The following DYNC2H1 variants were observed in gnomAD, a reference collection of about 807,000 sequenced individuals.
DYNC2H1 encodes the protein dynein cytoplasmic 2 heavy chain 1, also known as cytoplasmic dynein 2 heavy chain 1.
A neutral mutation model predicts 570.0 loss-of-function variants in DYNC2H1; 410 were observed. That is an observed-to-expected ratio of 0.72 (90% CI 0.66 to 0.78). The LOEUF (loss-of-function observed/expected upper bound fraction) is 0.78, where lower values mean the gene tolerates loss of function less well. Among genes scored for constraint, DYNC2H1 ranks in the 30% least tolerant of loss-of-function variants. DYNC2H1 has a pLI of 0.00. For missense variants in DYNC2H1, 4,865 were observed against 5,046.4 expected (o/e 0.96, Z 1.09); for synonymous variants, 1,688 against 1,677.6 (o/e 1.01, Z -0.15).
intron 70 of DYNC2H1, among the ~76,000 whole-genome samples, chr11:103,269,681 T>C (rs1865628220): frequency 6.6e-6 from 1 of 152,236 alleles, no homozygotes; most frequent in African/African-American, 2.4e-5. Context: ...CATTGTTTTT[T>C]CTTCAAGAGA....
chr11:103,168,961 G>A lies in DYNC2H1; in HGVS notation c.4968+1G>A, dbSNP rs1235097102. 4 of 1,599,024 alleles carry A rather than the reference G, an allele frequency of 2.5e-6. No homozygotes were observed. Among genetic ancestry groups the A allele is most frequent in the East Asian group, 4.5e-5 (2 of 44,248 alleles). ...ATTTCAGTATACTTATGAATATCAG[G>A]TATGAGTTGTGGCAGTGTTTTATAT... On this transcript the variant is annotated splice_donor_variant, in intron 32 of 88. Coordinates refer to ENST00000375735, the MANE Select transcript of DYNC2H1 (RefSeq NM_001377.3). LOFTEE classifies it high-confidence loss of function.
chr11:103,372,445 G>C (rs553621123), intron 83 of DYNC2H1, among the ~76,000 whole-genome samples: 3 of 152,200 alleles, frequency 2.0e-5, no homozygotes, highest in Admixed American at 6.5e-5. Flanking sequence ...GTCAGGAAGA[G>C]ATGTTGAATT....
chr11:103,212,879 T>A (rs981411963), intron 54 of DYNC2H1, among the ~76,000 whole-genome samples: 4 of 152,212 alleles, frequency 2.6e-5, no homozygotes, highest in Non-Finnish European at 5.9e-5. Flanking sequence ...CTTACTGTTT[T>A]GCAGCTTAAT....
At chr11:103,384,237 C>T (rs1397148820) in intron 83 of DYNC2H1, among the ~76,000 whole-genome samples, 1 of 152,096 alleles carries the variant, frequency 6.6e-6, no homozygotes, top group African/African-American at 2.4e-5. Context: ...AATGTTATCT[C>T]TTCTTGATAT....
chr11:103,455,277 T>G lies in DYNC2H1; in HGVS notation c.12548T>G (p.Leu4183Arg). ...LFHPDTFLNA[L>R]RQETARAVGR... ...CATCCAGACACATTTCTTAATGCTC[T>G]TCGCCAGGAAACTGCAAGGTAATTA... Residue 4183 changes from leucine to arginine, a missense_variant, in exon 86 of 89, where the codon CTT becomes CGT. Leu to Arg is a moderately radical substitution (Grantham distance 102). Around this residue, in one of 5 missense-constraint regions of DYNC2H1, gnomAD observed 2,401 missense variants for 2,454.6 expected, o/e 0.98. Transcript: ENST00000375735. 1 of 1,613,310 alleles carries G rather than the reference T, an allele frequency of 6.2e-7. No individual in the cohort carries two copies. The highest frequency in any genetic ancestry group is 8.5e-7 in the Non-Finnish European group (1 of 1,179,446).
chr11:103,373,348 A>T (rs1941256006), intron 83 of DYNC2H1, among the ~76,000 whole-genome samples: 1 of 152,126 alleles, frequency 6.6e-6, no homozygotes, highest in Non-Finnish European at 1.5e-5. Context: ...CTCTTATGAT[A>T]CTTTGTATTT....
chr11:103,442,650 C>A (rs1292939937), intron 85 of DYNC2H1, among the ~76,000 whole-genome samples: 1 of 152,048 alleles, frequency 6.6e-6, no homozygotes, highest in Non-Finnish European at 1.5e-5. Context: ...GAAGATAAAT[C>A]TTGGTTCTAG....
rs775559613 is a variant in DYNC2H1 at position 103,184,997 on chromosome 11, A to C, written c.6579A>C (p.Ile2193=). 5.0e-6 allele frequency: 8 copies of C among 1,610,474 alleles called. No homozygotes were observed. The East Asian group carries it at 1.8e-4, about 36-fold the overall frequency. Residue 2193 remains isoleucine (I), a synonymous_variant, in exon 41 of 89, where the codon ATA becomes ATC. Transcript: ENST00000375735. ...RDHDEFIINL[I]RGLGGNLNMK... ...ATGACGAATTCATTATTAATCTCAT[A>C]AGGGGACTTGGTGGAAATCTGAATA...
intron 83 of DYNC2H1, among the ~76,000 whole-genome samples, chr11:103,370,729 A>G (rs7116104): frequency 0.035 from 5,366 of 152,270 alleles, 308 homozygotes; most frequent in African/African-American, 0.12. Flanking sequence ...TCAAGGTGGC[A>G]CCTCTATGAA....
chr11:103,332,544 T>G (rs1294941289), intron 82 of DYNC2H1, among the ~76,000 whole-genome samples: 5 of 152,096 alleles, frequency 3.3e-5, no homozygotes, highest in African/African-American at 1.2e-4. Context: ...GAAAGTATTG[T>G]GGGGGAAACA....
At chr11:103,342,514 T>C (rs1939510627) in intron 82 of DYNC2H1, among the ~76,000 whole-genome samples, 1 of 151,598 alleles carries the variant, frequency 6.6e-6, no homozygotes, top group Admixed American at 6.6e-5. Context: ...CCACCTTTTT[T>C]TTTTTTGAGA....
chr11:103,369,083 C>T lies in DYNC2H1; in HGVS notation c.12156+10724C>T, dbSNP rs1283299243. Among the ~76,000 whole-genome samples the T allele has an allele frequency of 2.0e-5, 3 of 152,032 alleles. No individual in the cohort carries two copies. Among genetic ancestry groups the T allele is most frequent in the African/African-American group, 7.2e-5 (3 of 41,388 alleles). ...AGAGGCATTGAAGAGGTAGGAAAAA[C>T]AGTTTTGAATTGCAGACACCATCCC... On this transcript the variant is annotated intron_variant, in intron 83 of 88. Coordinates refer to ENST00000375735, the MANE Select transcript of DYNC2H1 (RefSeq NM_001377.3). The surrounding 1 kb of genome is among the most constrained non-coding windows in gnomAD (Gnocchi z 4.0).
At chr11:103,223,726 T>G (rs1863687624) in intron 59 of DYNC2H1, among the ~76,000 whole-genome samples, 1 of 146,576 alleles carries the variant, frequency 6.8e-6, no homozygotes, top group Non-Finnish European at 1.5e-5. Context: ...CTTTGGAAAT[T>G]TAAGACTTTT....
rs1226299160 is a variant in DYNC2H1, at chr11:103,362,702, C to T, written c.12156+4343C>T. 3.9e-5 allele frequency among the ~76,000 whole-genome samples: 6 copies of T among 152,188 alleles called. No homozygotes were observed. The East Asian group carries it at 1.2e-3, about 29-fold the overall frequency. On this transcript the variant is annotated intron_variant, in intron 83 of 88. Coordinates refer to ENST00000375735, the MANE Select transcript of DYNC2H1 (RefSeq NM_001377.3). ...TACAAAGTTGCTAAACATCCTTGTT[C>T]CCAATTTAATCTTTGTATATCTACT...
intron 85 of DYNC2H1, among the ~76,000 whole-genome samples, chr11:103,454,058 G>A (rs1944705053): frequency 6.6e-6 from 1 of 151,972 alleles, no homozygotes; most frequent in Non-Finnish European, 1.5e-5. Context: ...ACATTTCTGA[G>A]TACTATTCAA....
chr11:103,324,588 A>C lies in DYNC2H1; in HGVS notation c.12039+598A>C, dbSNP rs117006851. On this transcript the variant is annotated intron_variant, in intron 82 of 88. Transcript: ENST00000375735. This position sits in a 1 kb window ranked among gnomAD's most constrained non-coding sequence, Gnocchi z 5.2. The stretch of plus-strand genomic sequence containing the variant: ...GCATATTCCATGTTGTCTATGTATC[A>C]CATTTTCTTTATTCAGTCTACCATT... Among the ~76,000 whole-genome samples the C allele has an allele frequency of 1.3e-5, 2 of 152,234 alleles. No homozygotes were observed. Among genetic ancestry groups the C allele is most frequent in the East Asian group, 3.9e-4 (2 of 5,180 alleles).
At chr11:103,379,780 T>C (rs2076841788) in intron 83 of DYNC2H1, among the ~76,000 whole-genome samples, 1 of 152,220 alleles carries the variant, frequency 6.6e-6, no homozygotes, top group Non-Finnish European at 1.5e-5. Flanking sequence ...ATCTCCTAGC[T>C]ATGCTTAACC....
At chr11:103,127,602 G>A (rs960327288) in intron 12 of DYNC2H1, among the ~76,000 whole-genome samples, 6 of 152,108 alleles carry the variant, frequency 3.9e-5, no homozygotes, top group Admixed American at 3.9e-4. Context: ...CAAGAATTTT[G>A]TGAGGTGCTG....
At chr11:103,143,792 A>C (rs1034930761) in intron 18 of DYNC2H1, among the ~76,000 whole-genome samples, 1 of 152,162 alleles carries the variant, frequency 6.6e-6, no homozygotes, top group African/African-American at 2.4e-5. Flanking sequence ...TGGAAGGCAC[A>C]CAACATAGTG....
Sources: gnomAD v4.1 joint callset for allele counts (sites outside exome capture counted in the v4.1 genomes callset) on GRCh38, gnomAD v4.1.1 for gene constraint, gnomAD v4.1.1 regional missense constraint, Gnocchi (gnomAD v3.1) non-coding constraint, MANE v1.5 for transcripts, NCBI Gene and HGNC (gene_info 2026-07-23, HGNC 2026-07-21) for gene names.